The following ARFGAP3 variants were observed in gnomAD, a reference collection of about 807,000 sequenced individuals.
The protein encoded by ARFGAP3 is ARF GTPase activating protein 3.
A neutral mutation model predicts 75.0 loss-of-function variants in ARFGAP3; 72 were observed. The observed-to-expected ratio is 0.96, with a 90% CI of 0.79 to 1.17. The LOEUF (loss-of-function observed/expected upper bound fraction) is 1.17. Ranked by LOEUF, ARFGAP3 falls within the 50% of genes most tolerant of loss-of-function variation. The pLI is 0.00. For synonymous variants in ARFGAP3, 221 were observed against 217.9 expected (o/e 1.01, Z -0.13); for missense variants, 620 against 626.6 (o/e 0.99, Z 0.11).
At position 42,833,787 on chromosome 22, in the gene ARFGAP3, G is replaced by A. The variant is rs529534994; in HGVS notation, c.477+455C>T. On this transcript the variant is annotated intron_variant, in intron 5 of 15. Coordinates refer to ENST00000263245, the MANE Select transcript of ARFGAP3 (RefSeq NM_014570.5). ...AAATATTAGCTGGGTGTGTTGGTGC[G>A]CACCTGTAGTCCCAGCTACTCGGGA... 5.3e-5 allele frequency among the ~76,000 whole-genome samples: 8 copies of A among 152,236 alleles called. No homozygotes were observed. In the East Asian group the frequency reaches 9.7e-4, roughly 18 times the overall value.
At chr22:42,847,772 C>T (rs1927084124) in intron 1 of ARFGAP3, 140 bp from the exon 2 acceptor site, 2 of 996,092 alleles carry the variant, frequency 2.0e-6, no homozygotes, top group East Asian at 7.6e-5. Flanking sequence ...GAAAATATCT[C>T]ACCTAGGTTT....
intron 11 of ARFGAP3, 87 bp from the exon 12 acceptor site, chr22:42,811,031 G>A (rs1925348158): frequency 1.3e-6 from 2 of 1,542,868 alleles, no homozygotes; most frequent in Non-Finnish European, 1.7e-6. Flanking sequence ...TGTGGGGGAT[G>A]CCTCCTTGAA....
chr22:42,840,213 T>A (rs546764952), intron 3 of ARFGAP3, among the ~76,000 whole-genome samples: 3 of 152,232 alleles, frequency 2.0e-5, no homozygotes, highest in African/African-American at 7.2e-5. Context: ...ATTACAAGCA[T>A]GAGCCACCGT....
At chr22:42,808,184 G>A (rs988747956) in intron 13 of ARFGAP3, among the ~76,000 whole-genome samples, 4 of 151,880 alleles carry the variant, frequency 2.6e-5, no homozygotes, top group Non-Finnish European at 5.9e-5. Context: ...GATCACCTGA[G>A]GTCAGGAGTT....
Position 42,844,246 on chromosome 22 carries a change from C to T in ARFGAP3, c.189-3230G>A, listed in dbSNP as rs374172488. Among the ~76,000 whole-genome samples the T allele has an allele frequency of 2.1e-4, 32 of 151,998 alleles. 1 individual carries two copies. The South Asian group carries it at 5.2e-3, about 25-fold the overall frequency. ...GAGTCAGGGTCTTTGTTCTGTCACCCAGACTGAAGTGAAGTGGTGAGATCA... is the reference window on the plus strand; with the variant it reads ...GAGTCAGGGTCTTTGTTCTGTCACCTAGACTGAAGTGAAGTGGTGAGATCA... On this transcript the variant is annotated intron_variant, in intron 2 of 15. Transcript: ENST00000263245.
At chr22:42,849,565 T>C (rs1256093910) in intron 1 of ARFGAP3, among the ~76,000 whole-genome samples, 1 of 149,016 alleles carries the variant, frequency 6.7e-6, no homozygotes, top group Non-Finnish European at 1.5e-5. Flanking sequence ...TATGGCTTTT[T>C]TTTTTTTTTT....
chr22:42,820,668 C>CA (rs1235450528), intron 9 of ARFGAP3, among the ~76,000 whole-genome samples: 1 of 152,116 alleles, frequency 6.6e-6, no homozygotes, highest in African/African-American at 2.4e-5. Context: ...TAAGAGAAAA[C>CA]ACCATTAAAA....
chr22:42,807,262 C>T, intron 13 of ARFGAP3, 99 bp from the exon 14 acceptor site: 1 of 1,474,698 alleles, frequency 6.8e-7, no homozygotes, highest in Non-Finnish European at 9.0e-7. Context: ...GTGTTTGACC[C>T]CCAGGCTCTT....
At chr22:42,805,603 G>A (rs1451571858) in intron 14 of ARFGAP3, among the ~76,000 whole-genome samples, 2 of 152,196 alleles carry the variant, frequency 1.3e-5, no homozygotes, top group Non-Finnish European at 2.9e-5. Flanking sequence ...AGCCTCACCT[G>A]CCCCCACCAA....
chr22:42,835,499 G>C lies in ARFGAP3; in HGVS notation c.262-6C>G. 6.2e-7 allele frequency: 1 copy of C among 1,613,564 alleles called. No individual in the cohort carries two copies. Among genetic ancestry groups the C allele is most frequent in the South Asian group, 1.1e-5 (1 of 91,056 alleles). On this transcript the variant is annotated splice_region_variant and splice_polypyrimidine_tract_variant and intron_variant, in intron 3 of 15. Coordinates refer to ENST00000263245, the MANE Select transcript of ARFGAP3 (RefSeq NM_014570.5). ...TGTTGATGAAAAAAGGAAGACTACA[G>C]AGAAAAGCATGCACATTAATATTTT...
At chr22:42,809,079 G>A in intron 12 of ARFGAP3, 189 bp from the exon 13 acceptor site, 2 of 387,146 alleles carry the variant, frequency 5.2e-6, no homozygotes, top group Non-Finnish European at 7.1e-6. Flanking sequence ...AAATTTGAAG[G>A]AATTTCTGTT....
At chr22:42,827,324 C>T (rs1308769916) in intron 6 of ARFGAP3, among the ~76,000 whole-genome samples, 1 of 152,186 alleles carries the variant, frequency 6.6e-6, no homozygotes, top group Non-Finnish European at 1.5e-5. Context: ...GTGGACTATA[C>T]ATACCCAATG....
intron 7 of ARFGAP3, among the ~76,000 whole-genome samples, chr22:42,826,570 G>C (rs1926047919): frequency 6.6e-6 from 1 of 151,782 alleles, no homozygotes; most frequent in Non-Finnish European, 1.5e-5. Context: ...TGTTGTTGTT[G>C]TTGTTGTTTT....
intron 9 of ARFGAP3, among the ~76,000 whole-genome samples, chr22:42,819,092 C>G (rs1925703965): frequency 6.6e-6 from 1 of 152,138 alleles, no homozygotes; most frequent in Non-Finnish European, 1.5e-5. Context: ...GGATTACAGG[C>G]ATGAGCCACC....
At chr22:42,818,569 A>G (rs769716611) in intron 9 of ARFGAP3, among the ~76,000 whole-genome samples, 1 of 152,168 alleles carries the variant, frequency 6.6e-6, no homozygotes, top group Non-Finnish European at 1.5e-5. Context: ...TGCAATAATG[A>G]CTTAATTTTT....
chr22:42,844,282 C>T (rs1416048294), intron 2 of ARFGAP3, among the ~76,000 whole-genome samples: 1 of 152,164 alleles, frequency 6.6e-6, no homozygotes, highest in African/African-American at 2.4e-5. Context: ...TAGCTCACTG[C>T]AGCCTCAAAC....
At chr22:42,855,213 T>C (rs1050411922) in intron 1 of ARFGAP3, among the ~76,000 whole-genome samples, 3 of 152,218 alleles carry the variant, frequency 2.0e-5, no homozygotes, top group African/African-American at 7.2e-5. Context: ...CAAAAGCCTC[T>C]TGATATAAAG....
At chr22:42,827,061 A>G (rs11912205) in intron 6 of ARFGAP3, 62 bp from the exon 7 acceptor site, 49,959 of 1,590,974 alleles carry the variant, frequency 0.031, 1,103 homozygotes, top group African/African-American at 0.11. Context: ...GCTTTTGAAT[A>G]TATAATAATT....
At position 42,834,345 on chromosome 22, in the gene ARFGAP3, C is replaced by T. The variant is rs369059155; in HGVS notation, c.394-20G>A. Reference sequence around the variant, plus strand: ...CCACAGCTAGAACAAAAAAACAACACAGGGCTGAGCATTTCATCCGGCCTG... The same window carrying T: ...CCACAGCTAGAACAAAAAAACAACATAGGGCTGAGCATTTCATCCGGCCTG... On this transcript the variant is annotated intron_variant, in intron 4 of 15. Coordinates refer to ENST00000263245, the MANE Select transcript of ARFGAP3 (RefSeq NM_014570.5). 4.1e-5 allele frequency: 66 copies of T among 1,609,606 alleles called. No homozygotes were observed. Among genetic ancestry groups the T allele is most frequent in the Non-Finnish European group, 5.5e-5 (65 of 1,178,800 alleles).
Sources: gnomAD v4.1 joint callset for allele counts (sites outside exome capture counted in the v4.1 genomes callset) on GRCh38, gnomAD v4.1.1 for gene constraint, MANE v1.5 for transcripts, NCBI Gene and HGNC (gene_info 2026-07-23, HGNC 2026-07-21) for gene names.